The following TMEM65 variants were observed in gnomAD, a reference collection of about 807,000 sequenced individuals.
TMEM65 encodes the protein transmembrane protein 65.
Under a neutral mutation model 25.4 loss-of-function variants are expected in TMEM65, and 22 were observed. That is an observed-to-expected ratio of 0.86 (90% confidence interval 0.62 to 1.23). The LOEUF (loss-of-function observed/expected upper bound fraction) is 1.23, where lower values mean the gene tolerates loss of function less well. Among genes scored for constraint, TMEM65 ranks in the 50% most tolerant of loss-of-function variants. The pLI, the probability that TMEM65 is intolerant of heterozygous loss-of-function variation, is 0.00. For synonymous variants in TMEM65, 132 were observed against 126.2 expected (o/e 1.05, Z -0.31); for missense variants, 262 against 308.2 (o/e 0.85, Z 1.12).
Position 124,314,077 on chromosome 8 carries a change from A to G in TMEM65, c.622-16T>C. 6.2e-7 allele frequency: 1 copy of G among 1,600,514 alleles called. No homozygotes were observed. Among genetic ancestry groups the G allele is most frequent in the Non-Finnish European group, 8.5e-7 (1 of 1,169,676 alleles). On this transcript the variant is annotated splice_polypyrimidine_tract_variant and intron_variant, in intron 6 of 6. Coordinates refer to ENST00000297632, the MANE Select transcript of TMEM65 (RefSeq NM_194291.3). ...CAGCTTTGCCCTAAGGAAACAAAAG[A>G]GAACATTTTTAAAGTTACTTTATCT...
intron 1 of TMEM65, among the ~76,000 whole-genome samples, chr8:124,337,454 T>C (rs1417610580): frequency 6.6e-6 from 1 of 151,958 alleles, no homozygotes; most frequent in Non-Finnish European, 1.5e-5. Flanking sequence ...ATAACCAACA[T>C]CCAAACTTCT....
At chr8:124,322,806 G>A (rs905367445) in intron 4 of TMEM65, among the ~76,000 whole-genome samples, 11 of 151,994 alleles carry the variant, frequency 7.2e-5, no homozygotes, top group African/African-American at 2.7e-4. Context: ...GACCATCCTG[G>A]CCAACATGGT....
At chr8:124,339,289 CA>C (rs1361337885) in intron 1 of TMEM65, among the ~76,000 whole-genome samples, 1 of 136,176 alleles carries the variant, frequency 7.3e-6, no homozygotes, top group African/African-American at 2.8e-5. Flanking sequence ...TGGCCAATCA[CA>C]GCAGCTGAGC....
intron 1 of TMEM65, among the ~76,000 whole-genome samples, chr8:124,344,118 T>C (rs896682939): frequency 5.3e-5 from 8 of 152,190 alleles, no homozygotes; most frequent in African/African-American, 1.9e-4. Context: ...CCAAGATACA[T>C]TTTTATCTGT....
chr8:124,326,227 A>G (rs530554975), intron 3 of TMEM65, among the ~76,000 whole-genome samples: 38 of 152,162 alleles, frequency 2.5e-4, no homozygotes, highest in African/African-American at 9.1e-4. Flanking sequence ...AAAGTATATG[A>G]TATTTTTTTC....
intron 1 of TMEM65, among the ~76,000 whole-genome samples, chr8:124,341,641 T>C (rs1211659963): frequency 6.6e-6 from 1 of 152,086 alleles, no homozygotes; most frequent in East Asian, 1.9e-4. Context: ...TATTAAAATT[T>C]AGAGCTAAGT....
intron 1 of TMEM65, among the ~76,000 whole-genome samples, chr8:124,337,109 G>C (rs192710303): frequency 6.6e-6 from 1 of 151,664 alleles, no homozygotes; most frequent in Non-Finnish European, 1.5e-5. Flanking sequence ...AAATTTATTT[G>C]TTACCAAAAA....
intron 1 of TMEM65, among the ~76,000 whole-genome samples, chr8:124,352,186 G>A (rs1814718421): frequency 6.6e-6 from 1 of 152,134 alleles, no homozygotes; most frequent in African/African-American, 2.4e-5. Flanking sequence ...TACAATTACT[G>A]AAAGTTATAC....
intron 6 of TMEM65, among the ~76,000 whole-genome samples, chr8:124,315,392 A>T (rs747773149): frequency 6.0e-5 from 9 of 150,384 alleles, no homozygotes; most frequent in Non-Finnish European, 8.9e-5. Context: ...TGTAATCTCG[A>T]CTCACTGCAA....
At chr8:124,346,084 G>A (rs1814637441) in intron 1 of TMEM65, among the ~76,000 whole-genome samples, 3 of 152,198 alleles carry the variant, frequency 2.0e-5, no homozygotes, top group Admixed American at 6.5e-5. Context: ...CCGCATAGCT[G>A]GGAAGCCTTC....
intron 6 of TMEM65, among the ~76,000 whole-genome samples, chr8:124,319,487 T>C (rs986632637): frequency 6.6e-6 from 1 of 152,144 alleles, no homozygotes; most frequent in Non-Finnish European, 1.5e-5. Context: ...TACTATATAT[T>C]ATATTCCTAA....
At chr8:124,370,068 T>A (rs940856349) in intron 1 of TMEM65, among the ~76,000 whole-genome samples, 5 of 152,182 alleles carry the variant, frequency 3.3e-5, no homozygotes, top group Non-Finnish European at 5.9e-5. Flanking sequence ...ATGCTAATGA[T>A]CTCCATTGAC....
At position 124,372,070 on chromosome 8, in the gene TMEM65, AC is replaced by A. The variant is rs1815024835; in HGVS notation, c.87del (p.Ser30ProfsTer37). On this transcript the variant is annotated frameshift_variant, in exon 1 of 7. Transcript: ENST00000297632. LOFTEE classifies it high-confidence loss of function. Reference protein sequence around the residue: ...GPAAAAAPRPPSWCCCGRGLL... With the variant: ...GPAAAAAPRPXSWCCCGRGLL... ...AGCCCCCGCCCGCAGCAGCACCAGG[AC>A]GGCGGGCGGGGCGCGGCGGCGGCGG... 5 of 1,148,996 alleles carry A rather than the reference AC, an allele frequency of 4.4e-6. 2 individuals are homozygous for A. 71.2% of individuals were successfully genotyped at this position (1,148,996 alleles called of 1,614,324 possible).
chr8:124,358,650 A>C (rs1002755415), intron 1 of TMEM65, among the ~76,000 whole-genome samples: 3 of 152,292 alleles, frequency 2.0e-5, no homozygotes, highest in South Asian at 2.1e-4. Flanking sequence ...CCATGCAACA[A>C]CACCAGAGTG....
At chr8:124,362,876 C>CA (rs1177745479) in intron 1 of TMEM65, among the ~76,000 whole-genome samples, 1 of 151,594 alleles carries the variant, frequency 6.6e-6, no homozygotes, top group Non-Finnish European at 1.5e-5. Context: ...AAGTAAACTG[C>CA]AAAAAAAGAA....
At position 124,312,585 on chromosome 8, in the gene TMEM65, T is replaced by G. The variant is rs186947147; in HGVS notation, c.*1375A>C. 17 of 152,094 alleles carry G rather than the reference T, an allele frequency of 1.1e-4. 1 individual carries two copies. Among genetic ancestry groups the G allele is most frequent in the Admixed American group, 9.2e-4 (14 of 15,288 alleles). The allele number at this position is 152,094 out of a possible 1,614,324, so 9.4% of individuals were successfully genotyped here. ...TTCTCTCCTCCATGATGTGTTTAAT[T>G]ACGCTGTTACAAGTAAGACTAATTT... On this transcript the variant is annotated 3_prime_UTR_variant, in exon 7 of 7. Transcript: ENST00000297632.
At chr8:124,363,319 A>G (rs1814895519) in intron 1 of TMEM65, among the ~76,000 whole-genome samples, 1 of 152,220 alleles carries the variant, frequency 6.6e-6, no homozygotes, top group South Asian at 2.1e-4. Flanking sequence ...CCAAAATTGT[A>G]TAAGCCTCCT....
intron 3 of TMEM65, 75 bp downstream of exon 3, chr8:124,327,279 A>G (rs1814375764): frequency 9.9e-7 from 1 of 1,010,434 alleles, no homozygotes; most frequent in Non-Finnish European, 1.5e-6. Context: ...TAATCACAAT[A>G]GAAAAATTAT....
chr8:124,316,267 T>C (rs748434896), intron 6 of TMEM65, among the ~76,000 whole-genome samples: 4 of 152,228 alleles, frequency 2.6e-5, no homozygotes, highest in Non-Finnish European at 5.9e-5. Context: ...CTGGGGCTAA[T>C]TGTAGAACTT....
Sources: allele counts gnomAD v4.1 joint callset (sites outside exome capture counted in the v4.1 genomes callset), GRCh38; gene constraint gnomAD v4.1.1; transcripts MANE v1.5; gene names NCBI Gene and HGNC (gene_info 2026-07-23, HGNC 2026-07-21).